PLCG2: variants seen among roughly 807,000 people sequenced by gnomAD.
PLCG2 encodes the protein 1-phosphatidylinositol 4,5-bisphosphate phosphodiesterase gamma-2.
In PLCG2, 69 loss-of-function variants were observed where a neutral mutation model predicts 175.6. That is an observed-to-expected ratio of 0.39 (90% CI 0.32 to 0.48). PLCG2 has a LOEUF of 0.48. PLCG2 is among the 20% of genes least tolerant of loss of function. The pLI, the probability that PLCG2 is intolerant of heterozygous loss-of-function variation, is 0.91. For missense variants in PLCG2, 1,798 were observed against 1,650.9 expected (o/e 1.09, Z -1.54); for synonymous variants, 827 against 624.0 (o/e 1.33, Z -4.85).
At chr16:81,771,335 C>G (rs928696456) in intron 2 of PLCG2, among the ~76,000 whole-genome samples, 1 of 152,178 alleles carries the variant, frequency 6.6e-6, no homozygotes, top group African/African-American at 2.4e-5. Flanking sequence ...TCAAGGGATC[C>G]TCCCATCTCA....
intron 20 of PLCG2, among the ~76,000 whole-genome samples, chr16:81,920,451 T>C (rs1446882975): frequency 6.6e-6 from 1 of 152,148 alleles, no homozygotes; most frequent in Non-Finnish European, 1.5e-5. Flanking sequence ...GCATGAAATA[T>C]AATAAAGCAA....
intron 2 of PLCG2, among the ~76,000 whole-genome samples, chr16:81,801,783 C>A (rs570523884): frequency 6.6e-6 from 1 of 151,918 alleles, no homozygotes; most frequent in African/African-American, 2.4e-5. Context: ...AGGGTTCAAG[C>A]GATTCTCTTG....
upstream of PLCG2, among the ~76,000 whole-genome samples, chr16:81,774,831 G>A (rs1406286596): frequency 6.6e-6 from 1 of 151,360 alleles, no homozygotes; most frequent in Admixed American, 6.6e-5. Flanking sequence ...TGCAACCTCT[G>A]CCTCCTGGGC....
At chr16:81,768,172 G>A (rs770864517) in intron 2 of PLCG2, among the ~76,000 whole-genome samples, 6 of 152,014 alleles carry the variant, frequency 3.9e-5, no homozygotes, top group South Asian at 2.1e-4. Context: ...CACCATGCCC[G>A]GCCTAATGCT....
chr16:81,845,736 C>T (rs538580921), intron 2 of PLCG2, among the ~76,000 whole-genome samples: 2 of 152,336 alleles, frequency 1.3e-5, no homozygotes, highest in African/African-American at 4.8e-5. Context: ...CATCATTCAC[C>T]AAGATGCCCC....
Position 81,928,602 on chromosome 16 carries a change from G to A in PLCG2, c.2559G>A (p.Leu853=), listed in dbSNP as rs758984437. 1 of 1,608,056 alleles carries A rather than the reference G, an allele frequency of 6.2e-7. No homozygotes were observed. Among genetic ancestry groups the A allele is most frequent in the South Asian group, 1.1e-5 (1 of 90,938 alleles). Residue 853 remains leucine (L), a synonymous_variant, in exon 24 of 33, where the codon TTG becomes TTA. Coordinates refer to ENST00000564138, the MANE Select transcript of PLCG2 (RefSeq NM_002661.5). ...TAGGGTCTCTTTGCAGAGGAATATT[G>A]GACCTCAATACCTATAACGTCGGTA... The part of the protein sequence containing the change: ...NPLGSLCRGI[L]DLNTYNVVKA...
In PLCG2 at chr16:81,962,598, A is replaced by AAC. The variant is rs1256563419; in HGVS notation, c.*4601_*4602insCA. On this transcript the variant is annotated 3_prime_UTR_variant, in exon 33 of 33. Transcript: ENST00000564138. The stretch of plus-strand genomic sequence containing the variant: ...CTTTGTGTACATAGAGAATTAAGTG[A>AAC]ATGAGTCACACAGATGTTGGCTGTT... 9.0e-6 allele frequency: 2 copies of AAC among 223,072 alleles called. No individual in the cohort carries two copies. Among genetic ancestry groups the AAC allele is most frequent in the Non-Finnish European group, 1.8e-5 (2 of 111,824 alleles). 13.8% of individuals were successfully genotyped at this position (223,072 alleles called of 1,614,324 possible).
chr16:81,891,482 A>T lies in PLCG2; in HGVS notation c.878A>T (p.Tyr293Phe). 1 of 1,579,114 alleles carries T rather than the reference A, an allele frequency of 6.3e-7. No individual in the cohort carries two copies. The highest frequency in any genetic ancestry group is 8.7e-7 in the Non-Finnish European group (1 of 1,147,996). The change falls in exon 11 of 33, where the codon TAC (tyrosine) becomes TTC (phenylalanine). Residue 293 changes from tyrosine to phenylalanine, a missense_variant. Coordinates refer to ENST00000564138, the MANE Select transcript of PLCG2 (RefSeq NM_002661.5). The part of the protein sequence containing the change: ...PFLFVDEFLT[Y>F]LFSRENSIWD... ...GTTTGACTCTTTTAGTTCCTCACGT[A>T]CCTGTTTTCACGAGAAAACAGCATC...
chr16:81,930,192 AGAT>A (rs1275520924), intron 24 of PLCG2, among the ~76,000 whole-genome samples: 1 of 152,168 alleles, frequency 6.6e-6, no homozygotes, highest in Non-Finnish European at 1.5e-5. Context: ...AATAAAATAA[AGAT>A]GCAATACATG....
chr16:81,944,800 C>G (rs1439932043), intron 30 of PLCG2, among the ~76,000 whole-genome samples: 1 of 152,094 alleles, frequency 6.6e-6, no homozygotes, highest in Non-Finnish European at 1.5e-5. Context: ...ATATCAGGGA[C>G]TTGAGCCTCC....
intron 2 of PLCG2, among the ~76,000 whole-genome samples, chr16:81,829,523 C>T (rs1003107866): frequency 1.3e-5 from 2 of 152,188 alleles, no homozygotes; most frequent in African/African-American, 4.8e-5. Flanking sequence ...CGGCCCATTT[C>T]TCTGTTTTAT....
intron 2 of PLCG2, among the ~76,000 whole-genome samples, chr16:81,758,538 C>T (rs1909975376): frequency 6.6e-6 from 1 of 152,154 alleles, no homozygotes; most frequent in African/African-American, 2.4e-5. Context: ...CTGAGTCATA[C>T]AGTAGCTCTG....
At chr16:81,835,690 A>T in intron 2 of PLCG2, among the ~76,000 whole-genome samples, 1 of 152,250 alleles carries the variant, frequency 6.6e-6, no homozygotes, top group Non-Finnish European at 1.5e-5. Flanking sequence ...CAAGTGCCAC[A>T]AAATGAGGGA....
intron 27 of PLCG2, among the ~76,000 whole-genome samples, chr16:81,937,034 G>A (rs969032021): frequency 1.3e-5 from 2 of 152,224 alleles, no homozygotes; most frequent in African/African-American, 4.8e-5. Flanking sequence ...GTAGGAATAT[G>A]TCTATGGGAC....
chr16:81,823,435 T>C (rs543042741), intron 2 of PLCG2, among the ~76,000 whole-genome samples: 1 of 152,128 alleles, frequency 6.6e-6, no homozygotes, highest in South Asian at 2.1e-4. Flanking sequence ...GAAGATTGAG[T>C]GGGGGTAGGG....
At chr16:81,763,256 C>G (rs778747017) in intron 2 of PLCG2, among the ~76,000 whole-genome samples, 2 of 152,204 alleles carry the variant, frequency 1.3e-5, no homozygotes, top group Non-Finnish European at 2.9e-5. Flanking sequence ...CTCCACTCAG[C>G]AAAATAATCT....
At chr16:81,856,787 G>C (rs1906707146) in intron 3 of PLCG2, among the ~76,000 whole-genome samples, 1 of 152,178 alleles carries the variant, frequency 6.6e-6, no homozygotes, top group South Asian at 2.1e-4. Flanking sequence ...GGCGGGTGTG[G>C]TTAAATTGAG....
chr16:81,891,090 G>A (rs1484682656), intron 10 of PLCG2, among the ~76,000 whole-genome samples: 1 of 152,166 alleles, frequency 6.6e-6, no homozygotes, highest in Non-Finnish European at 1.5e-5. Flanking sequence ...TTCAACCCAG[G>A]AGGTGGAGGT....
intron 2 of PLCG2, among the ~76,000 whole-genome samples, chr16:81,835,056 C>T (rs1905443521): frequency 1.4e-5 from 2 of 144,270 alleles, no homozygotes; most frequent in East Asian, 3.9e-4. Context: ...TGGAGGTACC[C>T]AAAGAGGAGG....
Sources: gnomAD v4.1 joint callset for allele counts (sites outside exome capture counted in the v4.1 genomes callset) on GRCh38, gnomAD v4.1.1 for gene constraint, MANE v1.5 for transcripts, NCBI Gene and HGNC (gene_info 2026-07-23, HGNC 2026-07-21) for gene names.